Variants in COL6A3 observed in about 807,000 individuals in gnomAD.
The protein encoded by COL6A3 is collagen type VI alpha 3 chain.
Under a neutral mutation model 274.1 loss-of-function variants are expected in COL6A3, and 137 were observed. The ratio of observed to expected loss-of-function variants is 0.50; its 90% CI spans 0.44 to 0.58. The LOEUF is 0.58. COL6A3 is among the 20% of genes least tolerant of loss of function. The pLI is 0.00. For missense variants in COL6A3, 3,950 were observed against 4,124.9 expected (o/e 0.96, Z 1.16); for synonymous variants, 1,650 against 1,650.6 (o/e 1.00, Z 0.01).
In COL6A3 at chr2:237,352,507, T is replaced by C. The variant is rs761638324; in HGVS notation, c.6753+15A>G. On this transcript the variant is annotated intron_variant, in intron 26 of 43. Coordinates refer to ENST00000295550, the MANE Select transcript of COL6A3 (RefSeq NM_004369.4). The stretch of plus-strand genomic sequence containing the variant: ...TGTTCAGCTAGAGAGGGGGCTGGTA[T>C]TAGGACAGGCTTACCCGAGGTCCAG... 3.5e-5 allele frequency: 56 copies of C among 1,608,896 alleles called. No individual in the cohort carries two copies. Among genetic ancestry groups the C allele is most frequent in the Middle Eastern group, 1.6e-4 (1 of 6,080 alleles).
Position 237,367,276 on chromosome 2 carries a change from TTTC to T in COL6A3, c.4908_4910del (p.Lys1637del), listed in dbSNP as rs756920558. On this transcript the variant is annotated inframe_deletion, in exon 11 of 44. Transcript: ENST00000295550. ...CATCCAACAGGAACACAATGTCTGCTTTCTTCTTCTCTAGAAGTGATTAAAGTG... is the reference window on the plus strand; with the variant it reads ...CATCCAACAGGAACACAATGTCTGCTTTCTTCTCTAGAAGTGATTAAAGTG... 6.2e-7 allele frequency: 1 copy of T among 1,613,498 alleles called. No homozygotes were observed. Among genetic ancestry groups the T allele is most frequent in the Non-Finnish European group, 8.5e-7 (1 of 1,179,680 alleles).
intron 42 of COL6A3, among the ~76,000 whole-genome samples, chr2:237,331,335 T>A (rs868201377): frequency 3.3e-5 from 5 of 151,954 alleles, no homozygotes; most frequent in African/African-American, 4.8e-5. Flanking sequence ...ATTAAAAAAT[T>A]TTCCCCCCAC....
intron 39 of COL6A3, among the ~76,000 whole-genome samples, chr2:237,338,713 A>G (rs1700673286): frequency 6.6e-6 from 1 of 152,230 alleles, no homozygotes; most frequent in East Asian, 1.9e-4. Flanking sequence ...GGTTACAGTG[A>G]GCCAAGATTG....
At chr2:237,333,308 T>C (rs1486331668) in intron 42 of COL6A3, 142 bp downstream of exon 42, 3 of 741,488 alleles carry the variant, frequency 4.0e-6, no homozygotes, top group East Asian at 2.7e-5. Context: ...TAAGATGATG[T>C]TGGGCTGCAC....
chr2:237,357,684 T>C, intron 22 of COL6A3, 133 bp downstream of exon 22: 1 of 954,800 alleles, frequency 1.0e-6, no homozygotes, highest in South Asian at 1.3e-5. Context: ...ACGGGGACTC[T>C]GCTGCTAATC....
rs6715099 is a variant in COL6A3, at chr2:237,372,976, A to G, written c.3680-639T>C. On this transcript the variant is annotated intron_variant, in intron 8 of 43. Transcript: ENST00000295550. ...AGGAAAGGGAGCTGAGGAAGCGGAG[A>G]CAGGCCACCCAAGGAACCACGGGAT... Among the ~76,000 whole-genome samples the G allele has an allele frequency of 2.6e-3, 401 of 152,286 alleles. 3 individuals are homozygous for G. Among genetic ancestry groups the G allele is most frequent in the African/African-American group, 9.1e-3 (380 of 41,552 alleles).
intron 3 of COL6A3, among the ~76,000 whole-genome samples, chr2:237,393,167 T>C (rs1056627015): frequency 6.6e-6 from 1 of 152,168 alleles, no homozygotes; most frequent in Admixed American, 6.5e-5. Context: ...TGTTCCCTCT[T>C]TGCAAGTTCC....
rs111231885 is a variant in COL6A3 at position 237,368,568 on chromosome 2, C to T, written c.4895G>A (p.Arg1632Gln). 5.1e-3 allele frequency: 8,162 copies of T among 1,614,030 alleles called. 144 individuals are homozygous for T. The highest frequency in any genetic ancestry group is 0.037 in the East Asian group (1,671 of 44,872). ...PPGVDTPPPS[R>Q]PEKKKADIVF... Reference sequence around the variant, plus strand: ...ATGGGTCACACGGTGCATACCTGGCCGTGAAGGAGGAGGGGTGTCCACCCC... The same window carrying T: ...ATGGGTCACACGGTGCATACCTGGCTGTGAAGGAGGAGGGGTGTCCACCCC... The change falls in exon 10 of 44, where the codon CGG (arginine) becomes CAG (glutamine). Residue 1632 changes from arginine to glutamine, a missense_variant. By Grantham distance (43) the Arg-to-Gln change is conservative (BLOSUM62 1). Transcript: ENST00000295550. The surrounding 1 kb of genome is among the most constrained non-coding windows in gnomAD (Gnocchi z 4.4).
At position 237,368,477 on chromosome 2, in the gene COL6A3, T is replaced by C; in HGVS notation, c.4900+86A>G. 6.7e-7 allele frequency: 1 copy of C among 1,493,948 alleles called. No individual in the cohort carries two copies. The highest frequency in any genetic ancestry group is 9.1e-7 in the Non-Finnish European group (1 of 1,103,030). 92.5% of individuals were successfully genotyped at this position (1,493,948 alleles called of 1,614,324 possible). A position where few individuals can be genotyped will look rare whatever the true frequency, so the allele number is the denominator to read the frequency against. On this transcript the variant is annotated intron_variant, in intron 10 of 43. Transcript: ENST00000295550. The surrounding 1 kb of genome is among the most constrained non-coding windows in gnomAD (Gnocchi z 4.4). ...AGAAACAACCCAGAGAGAAGAAAAT[T>C]ATTAAAAATGACTACTGATTACTTT...
intron 17 of COL6A3, 87 bp from the exon 18 acceptor site, chr2:237,359,475 T>G: frequency 7.4e-7 from 1 of 1,348,864 alleles, no homozygotes; most frequent in Non-Finnish European, 1.1e-6. Context: ...GTTCCCCCAC[T>G]CCACCCCATT....
At position 237,368,581 on chromosome 2, in the gene COL6A3, G is replaced by A; in HGVS notation, c.4882C>T (p.Pro1628Ser). ...TGCATACCTGGCCGTGAAGGAGGAGGGGTGTCCACCCCTGGAGGTGCAGGA... is the reference window on the plus strand; with the variant it reads ...TGCATACCTGGCCGTGAAGGAGGAGAGGTGTCCACCCCTGGAGGTGCAGGA... Reference protein sequence around the residue: ...ATPAPPGVDTPPPSRPEKKKA... With the variant: ...ATPAPPGVDTSPPSRPEKKKA... Residue 1628 changes from proline (P) to serine (S), a missense_variant, in exon 10 of 44, where the codon CCT becomes TCT. Transcript: ENST00000295550. This position sits in a 1 kb window ranked among gnomAD's most constrained non-coding sequence, Gnocchi z 4.4. The A allele has an allele frequency of 6.2e-7, 1 of 1,614,154 alleles. No individual in the cohort carries two copies. Among genetic ancestry groups the A allele is most frequent in the Non-Finnish European group, 8.5e-7 (1 of 1,180,012 alleles).
intron 40 of COL6A3, 45 bp from the exon 41 acceptor site, chr2:237,334,934 A>ATGAC: frequency 6.2e-7 from 1 of 1,609,576 alleles, no homozygotes. Flanking sequence ...AAAATCCTCC[A>ATGAC]TGACTGTAGT....
In COL6A3 at chr2:237,344,340, G is replaced by C. The variant is rs1415142851; in HGVS notation, c.7668+10C>G. 2.5e-6 allele frequency: 4 copies of C among 1,614,180 alleles called. No individual in the cohort carries two copies. Among genetic ancestry groups the C allele is most frequent in the Non-Finnish European group, 3.4e-6 (4 of 1,180,032 alleles). On this transcript the variant is annotated intron_variant, in intron 36 of 43. Coordinates refer to ENST00000295550, the MANE Select transcript of COL6A3 (RefSeq NM_004369.4). The surrounding 1 kb of genome is among the most constrained non-coding windows in gnomAD (Gnocchi z 4.8). ...AAGGGAGATGCCAACAGCACGCACA[G>C]AGCACAGACCTGCAAAGCGTTGATG... is the stretch of plus-strand genomic sequence containing the variant.
Position 237,354,206 on chromosome 2 carries a change from C to T in COL6A3, c.6627+693G>A, listed in dbSNP as rs990634041. ...GGCTATTTTGTATTTTTAGTAGAGA[C>T]GGGGTTTCTCCATATTGGTCAGGCT... On this transcript the variant is annotated intron_variant, in intron 24 of 43. Transcript: ENST00000295550. 1.1e-4 allele frequency among the ~76,000 whole-genome samples: 17 copies of T among 152,014 alleles called. No homozygotes were observed. The East Asian group carries it at 1.9e-3, about 17-fold the overall frequency.
At chr2:237,349,143 TC>T (rs2077154698) in intron 28 of COL6A3, among the ~76,000 whole-genome samples, 2 of 116,992 alleles carry the variant, frequency 1.7e-5, no homozygotes, top group Non-Finnish European at 3.5e-5. Flanking sequence ...CTAGACCCCC[TC>T]CTTTCCAACA....
Position 237,353,984 on chromosome 2 carries a change from T to G in COL6A3, c.6628-581A>C, listed in dbSNP as rs535427281. Among the ~76,000 whole-genome samples, 42 of 152,076 alleles carry G rather than the reference T, an allele frequency of 2.8e-4. No homozygotes were observed. The South Asian group carries it at 8.7e-3, about 32-fold the overall frequency. ...CATCAGACAGAGCTGCCTCCCATTC[T>G]ATTCTTAAATAAGATAGCTACAAAG... On this transcript the variant is annotated intron_variant, in intron 24 of 43. Coordinates refer to ENST00000295550, the MANE Select transcript of COL6A3 (RefSeq NM_004369.4).
chr2:237,407,169 C>T lies in COL6A3; in HGVS notation c.-31+6784G>A, dbSNP rs1392095325. On this transcript the variant is annotated intron_variant, in intron 1 of 43. Coordinates refer to ENST00000295550, the MANE Select transcript of COL6A3 (RefSeq NM_004369.4). This position sits in a 1 kb window ranked among gnomAD's most constrained non-coding sequence, Gnocchi z 4.3. ...TCAAGGGATCCTCCTGCCCTGGCCT[C>T]CCAATGTGCTGGGATTATAGGCATG... Among the ~76,000 whole-genome samples the T allele has an allele frequency of 1.3e-5, 2 of 152,138 alleles. No individual in the cohort carries two copies. The highest frequency in any genetic ancestry group is 2.9e-5 in the Non-Finnish European group (2 of 68,024).
In COL6A3 at chr2:237,365,680, C is replaced by T. The variant is rs185352532; in HGVS notation, c.5838+18G>A. 4 of 1,613,366 alleles carry T rather than the reference C, an allele frequency of 2.5e-6. No individual in the cohort carries two copies. In the African/African-American group the frequency reaches 5.3e-5, roughly 21 times the overall value. ...GGAAATTTCCCAGGGAGCACCTGAACCAACTGGCCCCACAGACCTTCACGC... is the reference window on the plus strand; with the variant it reads ...GGAAATTTCCCAGGGAGCACCTGAATCAACTGGCCCCACAGACCTTCACGC... On this transcript the variant is annotated intron_variant, in intron 12 of 43. Transcript: ENST00000295550.
Position 237,334,751 on chromosome 2 carries a change from T to C in COL6A3, c.9104A>G (p.Lys3035Arg). The C allele has an allele frequency of 6.2e-7, 1 of 1,614,158 alleles. No homozygotes were observed. The highest frequency in any genetic ancestry group is 8.5e-7 in the Non-Finnish European group (1 of 1,180,022). Reference protein sequence around the residue: ...TSAHDQSLVLKQNLTVTDRVI... With the variant: ...TSAHDQSLVLRQNLTVTDRVI... ...GCGGTCCGTGACCGTGAGGTTCTGC[T>C]TCAGAACCAGGGACTGATCATGGGC... The change falls in exon 41 of 44, where the codon AAG becomes AGG. Residue 3035 changes from lysine (K) to arginine (R), a missense_variant. Lys to Arg is a conservative substitution (Grantham distance 26). Around this residue, in one of 5 missense-constraint regions of COL6A3, gnomAD observed 1,284 missense variants for 1,349.7 expected, o/e 0.95. Transcript: ENST00000295550.
Sources: gnomAD v4.1 joint callset for allele counts (sites outside exome capture counted in the v4.1 genomes callset) on GRCh38, gnomAD v4.1.1 for gene constraint, gnomAD v4.1.1 regional missense constraint, Gnocchi (gnomAD v3.1) non-coding constraint, MANE v1.5 for transcripts, NCBI Gene and HGNC (gene_info 2026-07-23, HGNC 2026-07-21) for gene names.